RSRC1: variants seen among roughly 807,000 people sequenced by gnomAD.
The protein encoded by RSRC1 is serine/Arginine-related protein 53.
A neutral mutation model predicts 49.1 loss-of-function variants in RSRC1; 39 were observed. The ratio of observed to expected loss-of-function variants is 0.79; its 90% CI spans 0.61 to 1.04. RSRC1 has a LOEUF of 1.04. RSRC1 is among the 50% of genes least tolerant of loss of function. RSRC1 has a pLI of 0.00. For synonymous variants in RSRC1, 143 were observed against 130.8 expected, an observed-to-expected ratio of 1.09 and a Z score of -0.63; for missense variants, 388 against 402.4, an observed-to-expected ratio of 0.96 and a Z score of 0.31.
intron 7 of RSRC1, among the ~76,000 whole-genome samples, chr3:158,508,620 T>C (rs553137867): frequency 5.3e-5 from 8 of 152,102 alleles, no homozygotes; most frequent in Non-Finnish European, 7.4e-5. Context: ...ATTCCAGAAA[T>C]AAACAATTCA....
chr3:158,327,690 GA>G (rs1729248540), intron 5 of RSRC1, among the ~76,000 whole-genome samples: 1 of 152,150 alleles, frequency 6.6e-6, no homozygotes, highest in African/African-American at 2.4e-5. Flanking sequence ...GTGTGGTGCT[GA>G]AAAGAATGTA....
chr3:158,473,826 C>T (rs920318892), intron 7 of RSRC1, among the ~76,000 whole-genome samples: 2 of 152,010 alleles, frequency 1.3e-5, no homozygotes, highest in Admixed American at 6.6e-5. Context: ...TTAGAAGCAA[C>T]TAGATTTCTT....
chr3:158,190,367 G>A (rs1720166159), intron 3 of RSRC1, among the ~76,000 whole-genome samples: 1 of 151,822 alleles, frequency 6.6e-6, no homozygotes, highest in Non-Finnish European at 1.5e-5. Context: ...GATGTTCATT[G>A]TGTGCCTCTT....
chr3:158,122,093 A>G lies in RSRC1; in HGVS notation c.-2-10A>G. On this transcript the variant is annotated splice_polypyrimidine_tract_variant and intron_variant, in intron 1 of 9. Coordinates refer to ENST00000611884, the MANE Select transcript of RSRC1 (RefSeq NM_001271838.2). ...GTTAGAAATAATATTCTTCAAATTT[A>G]TGCTTATAGAAATGGGACGTCGGTC... 6.8e-7 allele frequency: 1 copy of G among 1,464,714 alleles called. No individual in the cohort carries two copies. Among genetic ancestry groups the G allele is most frequent in the East Asian group, 2.5e-5 (1 of 39,482 alleles). 90.7% of individuals were successfully genotyped at this position (1,464,714 alleles called of 1,614,324 possible). A position where few individuals can be genotyped will look rare whatever the true frequency, so the allele number is the denominator to read the frequency against.
chr3:158,497,696 A>C (rs1480338541), intron 7 of RSRC1, among the ~76,000 whole-genome samples: 1 of 152,006 alleles, frequency 6.6e-6, no homozygotes, highest in Non-Finnish European at 1.5e-5. Context: ...CAGCCTCCCA[A>C]AGTGCTGGGA....
At chr3:158,402,898 G>A (rs1368116286) in intron 6 of RSRC1, among the ~76,000 whole-genome samples, 2 of 151,910 alleles carry the variant, frequency 1.3e-5, no homozygotes, top group East Asian at 3.9e-4. Context: ...TTCAGCTAGA[G>A]CCAGATGATA....
intron 3 of RSRC1, among the ~76,000 whole-genome samples, chr3:158,148,168 A>G (rs951491692): frequency 2.6e-5 from 4 of 152,158 alleles, no homozygotes; most frequent in South Asian, 2.1e-4. Context: ...AGTAAATGAT[A>G]TGCTTCCTAT....
chr3:158,326,183 A>G (rs952822951), intron 5 of RSRC1, among the ~76,000 whole-genome samples: 1 of 152,162 alleles, frequency 6.6e-6, no homozygotes, highest in South Asian at 2.1e-4. Context: ...AAACAGGGAC[A>G]ATTTGACTTC....
chr3:158,364,144 C>T (rs1024395461), intron 6 of RSRC1, among the ~76,000 whole-genome samples: 1 of 152,028 alleles, frequency 6.6e-6, no homozygotes, highest in Non-Finnish European at 1.5e-5. Context: ...CTCTAAAGTC[C>T]GTTGTAGTGT....
rs142084652 is a variant in RSRC1 at position 158,164,436 on chromosome 3, C to T, written c.321-38636C>T. Among the ~76,000 whole-genome samples, 26 of 151,716 alleles carry T rather than the reference C, an allele frequency of 1.7e-4. 1 individual carries two copies. Among genetic ancestry groups the T allele is most frequent in the African/African-American group, 6.3e-4 (26 of 41,446 alleles). ...TAAGAATACTTTTTGTGCTTCCAAA[C>T]TATGTATACACTTATTTAAACATCT... On this transcript the variant is annotated intron_variant, in intron 3 of 9. Coordinates refer to ENST00000611884, the MANE Select transcript of RSRC1 (RefSeq NM_001271838.2).
At chr3:158,276,163 G>T in intron 4 of RSRC1, 1 of 912,118 alleles carries the variant, frequency 1.1e-6, no homozygotes, top group Non-Finnish European at 1.8e-6. Flanking sequence ...TTAACACCAT[G>T]ATGGACAGGC....
At chr3:158,179,147 A>G (rs1055099184) in intron 3 of RSRC1, among the ~76,000 whole-genome samples, 5 of 152,156 alleles carry the variant, frequency 3.3e-5, no homozygotes, top group Admixed American at 6.5e-5. Flanking sequence ...TGAATTGGCT[A>G]GTACCTTGAG....
intron 7 of RSRC1, among the ~76,000 whole-genome samples, chr3:158,515,062 T>A (rs1422512908): frequency 6.7e-6 from 1 of 148,314 alleles, no homozygotes; most frequent in Middle Eastern, 3.2e-3. Context: ...GGGTCTTGAC[T>A]CTTTATCCAA....
intron 6 of RSRC1, among the ~76,000 whole-genome samples, chr3:158,387,010 A>G (rs1733003384): frequency 6.6e-6 from 1 of 152,070 alleles, no homozygotes; most frequent in Admixed American, 6.6e-5. Context: ...TTATATAACA[A>G]AATACTGTGT....
At chr3:158,359,724 G>T (rs1202592624) in intron 6 of RSRC1, among the ~76,000 whole-genome samples, 1 of 152,144 alleles carries the variant, frequency 6.6e-6, no homozygotes, top group Non-Finnish European at 1.5e-5. Context: ...CCTTCTCTTT[G>T]CCTGCAACAT....
intron 4 of RSRC1, among the ~76,000 whole-genome samples, chr3:158,282,006 C>T (rs988454650): frequency 1.3e-5 from 2 of 152,164 alleles, no homozygotes; most frequent in Non-Finnish European, 2.9e-5. Flanking sequence ...AAGAAAGCTG[C>T]CCTCCTCATA....
At chr3:158,271,946 T>C (rs531896307) in intron 4 of RSRC1, among the ~76,000 whole-genome samples, 1 of 152,168 alleles carries the variant, frequency 6.6e-6, no homozygotes, top group Non-Finnish European at 1.5e-5. Flanking sequence ...GCATTGTATT[T>C]GCATATAATC....
intron 5 of RSRC1, among the ~76,000 whole-genome samples, chr3:158,309,810 C>T (rs1329139879): frequency 6.6e-6 from 1 of 151,470 alleles, no homozygotes; most frequent in Non-Finnish European, 1.5e-5. Flanking sequence ...AAATGACCTC[C>T]TAGGTTTTAT....
intron 7 of RSRC1, among the ~76,000 whole-genome samples, chr3:158,531,923 A>G (rs1034470908): frequency 9.9e-5 from 15 of 151,964 alleles, no homozygotes; most frequent in Middle Eastern, 6.8e-3. Flanking sequence ...GCTTTACCAT[A>G]CAAACATATT....
Sources: gnomAD v4.1 joint callset for allele counts (sites outside exome capture counted in the v4.1 genomes callset) on GRCh38, gnomAD v4.1.1 for gene constraint, MANE v1.5 for transcripts, NCBI Gene and HGNC (gene_info 2026-07-23, HGNC 2026-07-21) for gene names.